Variants in CFAP100 observed in about 807,000 individuals in gnomAD.
CFAP100 encodes the protein cilia- and flagella-associated protein 100.
Under a neutral mutation model 81.5 loss-of-function variants are expected in CFAP100, and 70 were observed. The ratio of observed to expected loss-of-function variants is 0.86; its 90% confidence interval spans 0.71 to 1.05. CFAP100 has a LOEUF of 1.05. CFAP100 is among the 50% of genes least tolerant of loss of function. The pLI is 0.00. For missense variants in CFAP100, 811 were observed against 776.5 expected (o/e 1.04, Z -0.53); for synonymous variants, 341 against 314.8 (o/e 1.08, Z -0.88).
Position 126,416,455 on chromosome 3 carries a change from A to G in CFAP100, c.365A>G (p.Glu122Gly). Reference protein sequence around the residue: ...QEDLEARAEAEHQRAFRDYTT... With the variant: ...QEDLEARAEAGHQRAFRDYTT... ...GACCTGGAGGCGCGCGCCGAGGCCG[A>G]GCATCAGCGCGCCTTCCGCGACTAC... The change falls in exon 5 of 17, where the codon GAG becomes GGG. Residue 122 changes from glutamate (E) to glycine (G), a missense_variant. Physicochemically the swap from Glu to Gly is moderately conservative, Grantham distance 98. Coordinates refer to ENST00000352312, the MANE Select transcript of CFAP100 (RefSeq NM_182628.3). The G allele has an allele frequency of 6.2e-7, 1 of 1,610,010 alleles. No individual in the cohort carries two copies. Among genetic ancestry groups the G allele is most frequent in the Non-Finnish European group, 8.5e-7 (1 of 1,178,672 alleles).
intron 16 of CFAP100, 91 bp downstream of exon 16, chr3:126,435,743 C>A: frequency 9.6e-7 from 1 of 1,043,538 alleles, no homozygotes; most frequent in Non-Finnish European, 1.4e-6. Flanking sequence ...CCTGATGCTA[C>A]CACTCTGAAG....
chr3:126,423,696 A>T, intron 13 of CFAP100, 52 bp downstream of exon 13: 1 of 1,608,370 alleles, frequency 6.2e-7, no homozygotes, highest in Non-Finnish European at 8.5e-7. Flanking sequence ...TCATCCTGGG[A>T]TCCCCCTAGC....
At chr3:126,395,887 G>A in intron 1 of CFAP100, 55 bp from the exon 2 acceptor site, 2 of 886,210 alleles carry the variant, frequency 2.3e-6, no homozygotes, top group South Asian at 3.0e-5. Context: ...CACCCAGGGG[G>A]AAGGAAGCTC....
rs2083242061 is a variant in CFAP100 at position 126,416,397 on chromosome 3, C to T, written c.307C>T (p.Arg103Trp). The change falls in exon 5 of 17, where the codon CGG (arginine) becomes TGG (tryptophan). Residue 103 changes from arginine to tryptophan, a missense_variant. Physicochemically the swap from Arg to Trp is moderately radical, Grantham distance 101. Transcript: ENST00000352312. ...AGTGTCGGCTAAGCACACCAGCCTG[C>T]GGCGGCAGCTGCAGCTGGAGGACAA... ...SKVSAKHTSL[R>W]RQLQLEDKQE... The T allele has an allele frequency of 2.5e-6, 4 of 1,611,764 alleles. No homozygotes were observed. Among genetic ancestry groups the T allele is most frequent in the African/African-American group, 1.3e-5 (1 of 74,868 alleles).
intron 2 of CFAP100, among the ~76,000 whole-genome samples, chr3:126,398,002 G>C (rs923007123): frequency 6.6e-6 from 1 of 152,214 alleles, no homozygotes; most frequent in Non-Finnish European, 1.5e-5. Context: ...CAGGAGGCCA[G>C]CATGGGCCAA....
chr3:126,433,390 G>A (rs760490915), intron 14 of CFAP100, 186 bp downstream of exon 14: 181 of 638,514 alleles, frequency 2.8e-4, no homozygotes, highest in Non-Finnish European at 4.5e-4. Context: ...AGCCAGCTTG[G>A]TTGCCCCCAC....
At chr3:126,420,571 G>T (rs1252045967) in intron 11 of CFAP100, 1 of 304,922 alleles carries the variant, frequency 3.3e-6, no homozygotes, top group Non-Finnish European at 6.2e-6. Context: ...GAGTGTGAAA[G>T]TCTGATAGAT....
intron 2 of CFAP100, among the ~76,000 whole-genome samples, chr3:126,397,505 T>C (rs527965604): frequency 6.6e-6 from 1 of 152,360 alleles, no homozygotes; most frequent in South Asian, 2.1e-4. Context: ...TTGAAGGACA[T>C]GTAAACTATA....
In CFAP100 at chr3:126,409,609, AC is replaced by A. The variant is rs202203475; in HGVS notation, c.130+2359del. On this transcript the variant is annotated intron_variant, in intron 3 of 16. Transcript: ENST00000352312. ...TTCTGTGTCCTCTCCAACTTGGTAC[AC>A]CATCGATCCTTTTAATATGACTTTG... Among the ~76,000 whole-genome samples, 958 of 152,290 alleles carry A rather than the reference AC, an allele frequency of 6.3e-3. 11 individuals are homozygous for A. The highest frequency in any genetic ancestry group is 0.022 in the African/African-American group (912 of 41,550).
chr3:126,401,426 TATATATATATATATATAG>T, intron 2 of CFAP100, among the ~76,000 whole-genome samples: 1 of 115,466 alleles, frequency 8.7e-6, no homozygotes, highest in African/African-American at 3.2e-5. Flanking sequence ...TATATATATA[TATATATATATATATATAG>T]TATTATGTTA....
Position 126,420,170 on chromosome 3 carries a change from C to T in CFAP100, c.1023C>T (p.Tyr341=), listed in dbSNP as rs769809248. The change falls in exon 11 of 17, where the codon TAC becomes TAT. Residue 341 remains tyrosine (Y), a synonymous_variant. Coordinates refer to ENST00000352312, the MANE Select transcript of CFAP100 (RefSeq NM_182628.3). The part of the protein sequence containing the change: ...QTMRLGRSPS[Y]LSSPQQGSQP... ...TGCGGCTGGGGCGGAGCCCGTCTTA[C>T]CTGAGCAGCCCCCAGCAAGGCAGCC... is the stretch of plus-strand genomic sequence containing the variant. 6.2e-7 allele frequency: 1 copy of T among 1,612,634 alleles called. No homozygotes were observed. The highest frequency in any genetic ancestry group is 1.3e-5 in the African/African-American group (1 of 74,948).
chr3:126,417,663 C>T (rs1431925134), intron 5 of CFAP100, among the ~76,000 whole-genome samples: 1 of 152,236 alleles, frequency 6.6e-6, no homozygotes, highest in South Asian at 2.1e-4. Flanking sequence ...CAGAGAGGAG[C>T]TGGGTCTCCT....
At chr3:126,413,973 C>A (rs1327200555) in intron 3 of CFAP100, 112 bp from the exon 4 acceptor site, 2 of 754,598 alleles carry the variant, frequency 2.7e-6, no homozygotes, top group Non-Finnish European at 2.4e-6. Flanking sequence ...GGAACCTTCC[C>A]ACTCACTCAT....
intron 2 of CFAP100, among the ~76,000 whole-genome samples, chr3:126,405,874 A>C (rs2083055003): frequency 6.6e-6 from 1 of 151,024 alleles, no homozygotes; most frequent in Non-Finnish European, 1.5e-5. Context: ...AGCAGCCTCG[A>C]CCTCCTGGGC....
At chr3:126,408,848 G>A (rs116465466) in intron 3 of CFAP100, among the ~76,000 whole-genome samples, 2,359 of 152,226 alleles carry the variant, frequency 0.015, 47 homozygotes, top group African/African-American at 0.054. Context: ...AGGTGCAGTC[G>A]TTCGATCACA....
At chr3:126,429,107 CAAAAAAAAAAAAAAAA>C (rs57773311) in intron 13 of CFAP100, among the ~76,000 whole-genome samples, 32,869 of 96,166 alleles carry the variant, frequency 0.34, 4,140 homozygotes, top group East Asian at 0.5. Flanking sequence ...CGTCTCCATC[CAAAAAAAAAAAAAAAA>C]AAAAAAAAAA....
At chr3:126,405,166 CACTGTTCT>C (rs1172016264) in intron 2 of CFAP100, among the ~76,000 whole-genome samples, 1 of 152,140 alleles carries the variant, frequency 6.6e-6, no homozygotes, top group Non-Finnish European at 1.5e-5. Context: ...CCCTGGCGAC[CACTGTTCT>C]ACTTAGTCTC....
intron 13 of CFAP100, among the ~76,000 whole-genome samples, chr3:126,432,528 G>A (rs955356693): frequency 6.6e-6 from 1 of 150,870 alleles, no homozygotes; most frequent in Non-Finnish European, 1.5e-5. Flanking sequence ...GAAATGAAGT[G>A]CTGACACATG....
intron 3 of CFAP100, among the ~76,000 whole-genome samples, chr3:126,413,783 G>T (rs918611562): frequency 1.3e-5 from 2 of 152,254 alleles, no homozygotes; most frequent in African/African-American, 4.8e-5. Context: ...CCATAAGGGA[G>T]ACTCCAGAGG....
Sources: gnomAD v4.1 joint callset for allele counts (sites outside exome capture counted in the v4.1 genomes callset) on GRCh38, gnomAD v4.1.1 for gene constraint, MANE v1.5 for transcripts, NCBI Gene and HGNC (gene_info 2026-07-23, HGNC 2026-07-21) for gene names.